The following CEP85L variants were observed in gnomAD, a reference collection of about 807,000 sequenced individuals.
CEP85L encodes centrosomal protein 85L.
Under a neutral mutation model 100.3 loss-of-function variants are expected in CEP85L, and 60 were observed. The observed-to-expected ratio is 0.60, with a 90% CI of 0.49 to 0.74. The LOEUF (loss-of-function observed/expected upper bound fraction) is 0.74. Among genes scored for constraint, CEP85L ranks in the 30% least tolerant of loss-of-function variants. The probability of loss-of-function intolerance (pLI) is 0.00; values close to 1 mark genes in which losing one functional copy is unlikely to be tolerated. For missense variants in CEP85L, 973 were observed against 936.2 expected (o/e 1.04, Z -0.51); for synonymous variants, 319 against 322.7 (o/e 0.99, Z 0.12).
intron 5 of CEP85L, chr6:118,501,703 T>G (rs1775312745): frequency 1.5e-6 from 1 of 686,830 alleles, no homozygotes; most frequent in Non-Finnish European, 2.7e-6. Flanking sequence ...AGGAAAAAAT[T>G]CAGAGCCTGA....
intron 2 of CEP85L, among the ~76,000 whole-genome samples, chr6:118,617,851 G>GT (rs1773169485): frequency 6.6e-6 from 1 of 152,180 alleles, no homozygotes. Flanking sequence ...CTGCCACGCA[G>GT]TGAGTACCCT....
chr6:118,491,899 A>C, intron 5 of CEP85L, 34 bp from the exon 6 acceptor site: 1 of 1,525,098 alleles, frequency 6.6e-7, no homozygotes, highest in South Asian at 1.2e-5. Context: ...GTAAGACTTT[A>C]AAAGTTTGTC....
chr6:118,574,216 G>C (rs1486681560), intron 2 of CEP85L: 6 of 152,304 alleles, frequency 3.9e-5, no homozygotes, highest in African/African-American at 1.2e-4. Flanking sequence ...TCCCACCTTA[G>C]CAACAATCTC....
intron 1 of CEP85L, among the ~76,000 whole-genome samples, chr6:118,686,924 A>G (rs1483124676): frequency 6.6e-6 from 1 of 152,196 alleles, no homozygotes; most frequent in Non-Finnish European, 1.5e-5. Context: ...AATGAAGCCT[A>G]CATGCCTTTC....
At position 118,565,674 on chromosome 6, in the gene CEP85L, G is replaced by A; in HGVS notation, c.875C>T (p.Pro292Leu). 6.2e-7 allele frequency: 1 copy of A among 1,614,178 alleles called. No homozygotes were observed. Among genetic ancestry groups the A allele is most frequent in the Non-Finnish European group, 8.5e-7 (1 of 1,180,028 alleles). The stretch of plus-strand genomic sequence containing the variant: ...AAGCCACATCTGAGTCCTTACGGAA[G>A]GCTGAATGGGAACTCCACCTACTGC... ...QQAVGGVPIQ[P>L]SVRTQMWLTE... is the part of the protein sequence containing the mutation. Residue 292 changes from proline (P) to leucine (L), a missense_variant, in exon 3 of 13, where the codon CCT (proline) becomes CTT (leucine). Physicochemically the swap from Pro to Leu is moderately conservative, Grantham distance 98. Around this residue, in one of 3 missense-constraint regions of CEP85L, gnomAD observed 890 missense variants for 844.5 expected, o/e 1.05. Transcript: ENST00000368491.
chr6:118,674,107 G>A (rs1776400617), intron 1 of CEP85L, among the ~76,000 whole-genome samples: 2 of 152,184 alleles, frequency 1.3e-5, no homozygotes, highest in African/African-American at 4.8e-5. Context: ...AAAAGGCAGT[G>A]GTTTCTTAGA....
In CEP85L at chr6:118,523,813, A is replaced by G; in HGVS notation, c.1128T>C (p.Ile376=). ...TAAAATAGACTCACCGATCGATTAC[A>G]ATTTCTTTCTGCCTTAGAAGTCCTT... ...IKEGLLRQKE[I]VIDRQKQQIT... Residue 376 remains isoleucine (I), a synonymous_variant, in exon 4 of 13, where the codon ATT becomes ATC. Transcript: ENST00000368491. 10 of 1,509,528 alleles carry G rather than the reference A, an allele frequency of 6.6e-6. No individual in the cohort carries two copies. Among genetic ancestry groups the G allele is most frequent in the Non-Finnish European group, 9.2e-6 (10 of 1,088,074 alleles). The allele number at this position is 1,509,528 out of a possible 1,614,324, so 93.5% of individuals were successfully genotyped here.
intron 1 of CEP85L, among the ~76,000 whole-genome samples, chr6:118,645,850 CA>C (rs1268656441): frequency 6.6e-6 from 1 of 152,126 alleles, no homozygotes; most frequent in Non-Finnish European, 1.5e-5. Context: ...TTTCTAATGC[CA>C]AGGTAACAAG....
chr6:118,647,501 A>T (rs1775279787), intron 1 of CEP85L, among the ~76,000 whole-genome samples: 2 of 152,112 alleles, frequency 1.3e-5, no homozygotes, highest in South Asian at 4.1e-4. Flanking sequence ...AGCTGGGATT[A>T]CAGGCGCACG....
At chr6:118,662,466 G>T (rs921266762) in intron 1 of CEP85L, among the ~76,000 whole-genome samples, 11 of 151,842 alleles carry the variant, frequency 7.2e-5, no homozygotes, top group Non-Finnish European at 4.4e-5. Flanking sequence ...GGAGGCGGAG[G>T]TTGCAATGAG....
chr6:118,482,047 A>G, intron 7 of CEP85L, 114 bp from the exon 8 acceptor site: 1 of 580,052 alleles, frequency 1.7e-6, no homozygotes, highest in Non-Finnish European at 2.6e-6. Flanking sequence ...AAAAAAAAAA[A>G]AAAGAATCAC....
At chr6:118,675,734 G>A (rs992678432) in intron 1 of CEP85L, among the ~76,000 whole-genome samples, 1 of 151,998 alleles carries the variant, frequency 6.6e-6, no homozygotes, top group African/African-American at 2.4e-5. Flanking sequence ...AGACCCCAAG[G>A]CAACCCAGTA....
chr6:118,509,300 G>T (rs1018825), intron 5 of CEP85L, among the ~76,000 whole-genome samples: 1 of 151,822 alleles, frequency 6.6e-6, no homozygotes, highest in Non-Finnish European at 1.5e-5. Context: ...CCTTTATTCC[G>T]AATGACAGAA....
At chr6:118,637,171 AT>A (rs1278682497) in intron 1 of CEP85L, among the ~76,000 whole-genome samples, 2 of 152,240 alleles carry the variant, frequency 1.3e-5, no homozygotes, top group African/African-American at 4.8e-5. Context: ...AAAAAAAGCT[AT>A]AAGAAATGAC....
intron 11 of CEP85L, 51 bp downstream of exon 11, chr6:118,470,486 A>C: frequency 9.4e-7 from 1 of 1,062,276 alleles, no homozygotes; most frequent in Non-Finnish European, 1.4e-6. Context: ...TAAAATAAGC[A>C]TTTTATAGTG....
chr6:118,505,520 T>A (rs1291760561), intron 5 of CEP85L, among the ~76,000 whole-genome samples: 2 of 149,478 alleles, frequency 1.3e-5, no homozygotes, highest in African/African-American at 4.9e-5. Flanking sequence ...AACTGTGATA[T>A]ACCCAGAAAG....
chr6:118,480,531 T>C lies in CEP85L; in HGVS notation c.1746-18A>G, dbSNP rs748943680. 2.0e-6 allele frequency: 3 copies of C among 1,472,154 alleles called. No homozygotes were observed. The highest frequency in any genetic ancestry group is 2.8e-6 in the Non-Finnish European group (3 of 1,057,504). The allele number at this position is 1,472,154 out of a possible 1,614,324, so 91.2% of individuals were successfully genotyped here. A position where few individuals can be genotyped will look rare whatever the true frequency, so the allele number is the denominator to read the frequency against. ...GTTGCAAACTATTTCAAAAGACAAT[T>C]ATATGAAGAAAATAAGCTCTATTTG... is the stretch of plus-strand genomic sequence containing the variant. On this transcript the variant is annotated intron_variant, in intron 8 of 12. Coordinates refer to ENST00000368491, the MANE Select transcript of CEP85L (RefSeq NM_001042475.3).
intron 2 of CEP85L, among the ~76,000 whole-genome samples, chr6:118,572,912 A>C (rs1779990846): frequency 4.6e-5 from 7 of 152,016 alleles, no homozygotes; most frequent in Admixed American, 2.6e-4. Context: ...AATACAAAAA[A>C]TTAGCCGGGC....
chr6:118,477,946 AAC>A (rs1239755308), intron 10 of CEP85L, among the ~76,000 whole-genome samples: 3 of 152,162 alleles, frequency 2.0e-5, no homozygotes, highest in Non-Finnish European at 4.4e-5. Context: ...GAAATTCAAA[AAC>A]AGAGCTATAG....
Sources: gnomAD v4.1 joint callset for allele counts (sites outside exome capture counted in the v4.1 genomes callset) on GRCh38, gnomAD v4.1.1 for gene constraint, gnomAD v4.1.1 regional missense constraint, MANE v1.5 for transcripts, NCBI Gene and HGNC (gene_info 2026-07-23, HGNC 2026-07-21) for gene names.